The following CSMD1 variants were observed in gnomAD, a reference collection of about 807,000 sequenced individuals.
CSMD1 encodes the protein CUB and Sushi multiple domains 1, also known as CUB and sushi domain-containing protein 1.
A neutral mutation model predicts 417.5 loss-of-function variants in CSMD1; 213 were observed. The observed-to-expected ratio is 0.51, with a 90% CI of 0.46 to 0.57. The LOEUF (loss-of-function observed/expected upper bound fraction) is 0.57, where lower values mean the gene tolerates loss of function less well. Among genes scored for constraint, CSMD1 ranks in the 20% least tolerant of loss-of-function variants. The pLI, the probability that CSMD1 is intolerant of heterozygous loss-of-function variation, is 0.00. For synonymous variants in CSMD1, 2,862 were observed against 1,736.8 expected, an observed-to-expected ratio of 1.65 and a Z score of -16.11; for missense variants, 6,923 against 4,529.7, an observed-to-expected ratio of 1.53 and a Z score of -15.17.
At chr8:3,854,570 C>T (rs532129896) in intron 5 of CSMD1, among the ~76,000 whole-genome samples, 1 of 152,188 alleles carries the variant, frequency 6.6e-6, no homozygotes, top group South Asian at 2.1e-4. Flanking sequence ...GCTTTTCTAT[C>T]TCCCTGCACT....
intron 8 of CSMD1, among the ~76,000 whole-genome samples, chr8:3,604,306 G>C (rs150052449): frequency 5.0e-4 from 76 of 152,190 alleles, no homozygotes; most frequent in African/African-American, 1.8e-3. Context: ...CTGCGGGGGG[G>C]GACCAAAGGT....
intron 1 of CSMD1, among the ~76,000 whole-genome samples, chr8:4,738,692 T>C (rs899295692): frequency 2.6e-5 from 4 of 152,214 alleles, no homozygotes; most frequent in East Asian, 3.8e-4. Context: ...CAGTATATTA[T>C]ATAAATTTTC....
chr8:4,039,139 T>A (rs1159278212), intron 3 of CSMD1, among the ~76,000 whole-genome samples: 1 of 152,228 alleles, frequency 6.6e-6, no homozygotes, highest in African/African-American at 2.4e-5. Context: ...GGCAGCATTT[T>A]CAACAGCATG....
chr8:3,453,743 A>G (rs1050908628), intron 12 of CSMD1, among the ~76,000 whole-genome samples: 2 of 152,140 alleles, frequency 1.3e-5, no homozygotes, highest in Non-Finnish European at 2.9e-5. Flanking sequence ...TATGTGGTCA[A>G]TTTTGGAATA....
chr8:3,969,638 TACC>T (rs1270497562), intron 5 of CSMD1, among the ~76,000 whole-genome samples: 1 of 152,246 alleles, frequency 6.6e-6, no homozygotes, highest in Non-Finnish European at 1.5e-5. Flanking sequence ...AAGAAAATGC[TACC>T]ACATTTAAAA....
At chr8:3,970,971 G>C (rs142908162) in intron 5 of CSMD1, among the ~76,000 whole-genome samples, 2 of 151,998 alleles carry the variant, frequency 1.3e-5, no homozygotes, top group East Asian at 1.9e-4. Context: ...GGCTGGTCTC[G>C]AAGTCCTGAC....
intron 1 of CSMD1, among the ~76,000 whole-genome samples, chr8:4,731,567 T>C (rs775957326): frequency 7.2e-5 from 11 of 152,204 alleles, no homozygotes; most frequent in South Asian, 4.1e-4. Flanking sequence ...TACATGTTTA[T>C]TGAATATTTT....
intron 3 of CSMD1, among the ~76,000 whole-genome samples, chr8:4,337,097 C>T (rs151134343): frequency 0.018 from 2,735 of 152,196 alleles, 38 homozygotes; most frequent in Middle Eastern, 0.034. Flanking sequence ...GCCAACGTTG[C>T]GGCCACGTAC....
chr8:3,051,252 G>C (rs1410890872), intron 50 of CSMD1, among the ~76,000 whole-genome samples: 2 of 152,210 alleles, frequency 1.3e-5, no homozygotes, highest in African/African-American at 4.8e-5. Context: ...ACACATCATG[G>C]AATACTATGC....
At chr8:3,831,846 G>A (rs540344424) in intron 5 of CSMD1, among the ~76,000 whole-genome samples, 40 of 152,232 alleles carry the variant, frequency 2.6e-4, no homozygotes, top group African/African-American at 9.1e-4. Context: ...TGCTATCCTT[G>A]TTCATATAAC....
intron 1 of CSMD1, among the ~76,000 whole-genome samples, chr8:4,702,720 G>A (rs80244854): frequency 0.011 from 1,653 of 152,166 alleles, 17 homozygotes; most frequent in Non-Finnish European, 0.016. Flanking sequence ...AAATTCTACC[G>A]TGTAGAGTTT....
At chr8:4,164,025 C>G (rs1216160003) in intron 3 of CSMD1, among the ~76,000 whole-genome samples, 5 of 152,100 alleles carry the variant, frequency 3.3e-5, no homozygotes, top group Non-Finnish European at 1.5e-5. Context: ...GCAGAGTAAG[C>G]TGTTGGTACA....
At chr8:3,748,013 A>G (rs947800013) in intron 6 of CSMD1, among the ~76,000 whole-genome samples, 3 of 152,140 alleles carry the variant, frequency 2.0e-5, no homozygotes, top group Non-Finnish European at 4.4e-5. Context: ...TCTATTTTAT[A>G]AAACAAGGTA....
At chr8:4,557,792 G>A (rs1290367299) in intron 2 of CSMD1, among the ~76,000 whole-genome samples, 1 of 152,176 alleles carries the variant, frequency 6.6e-6, no homozygotes, top group Non-Finnish European at 1.5e-5. Flanking sequence ...CGTGCCCCAC[G>A]TTCAGGTTAG....
rs1563277700 is a variant in CSMD1 at position 4,549,895 on chromosome 8, T to TAAA, written c.302+87446_302+87447insTTT. On this transcript the variant is annotated intron_variant, in intron 2 of 69. Transcript: ENST00000635120. ...CAGAGTGACAATCTAAGACTTTGTC[T>TAAA]CAAAAAAAAAAAAAAAAAAAAAAAA... Among the ~76,000 whole-genome samples the TAAA allele has an allele frequency of 1.5e-3, 100 of 65,812 alleles. 1 individual carries two copies. Among genetic ancestry groups the TAAA allele is most frequent in the East Asian group, 8.0e-3 (17 of 2,122 alleles). 43.2% of individuals were successfully genotyped at this position (65,812 alleles called of 152,430 possible). A position where few individuals can be genotyped will look rare whatever the true frequency, so the allele number is the denominator to read the frequency against.
At chr8:4,751,143 G>T (rs1046266333) in intron 1 of CSMD1, among the ~76,000 whole-genome samples, 1 of 152,218 alleles carries the variant, frequency 6.6e-6, no homozygotes, top group Non-Finnish European at 1.5e-5. Flanking sequence ...CCAGCACTTT[G>T]GGAGGCCGAG....
chr8:3,662,870 G>C (rs914784170), intron 7 of CSMD1, among the ~76,000 whole-genome samples: 6 of 152,080 alleles, frequency 3.9e-5, no homozygotes, highest in Admixed American at 1.3e-4. Flanking sequence ...GAGAGCATTA[G>C]GACAAATATG....
chr8:3,199,219 A>T (rs1796862311), intron 33 of CSMD1, among the ~76,000 whole-genome samples: 1 of 152,228 alleles, frequency 6.6e-6, no homozygotes, highest in Admixed American at 6.5e-5. Context: ...CAAACAAAAT[A>T]AAATAGGTAT....
intron 31 of CSMD1, among the ~76,000 whole-genome samples, chr8:3,202,727 T>C (rs1053295972): frequency 6.6e-6 from 1 of 152,228 alleles, no homozygotes; most frequent in Non-Finnish European, 1.5e-5. Context: ...TTTGTTAGTA[T>C]GACGGAAGTA....
Sources: allele counts gnomAD v4.1 joint callset (sites outside exome capture counted in the v4.1 genomes callset), GRCh38; gene constraint gnomAD v4.1.1; transcripts MANE v1.5; gene names NCBI Gene and HGNC (gene_info 2026-07-23, HGNC 2026-07-21).